Variants in NRXN3 observed in about 807,000 individuals in gnomAD.
The protein encoded by NRXN3 is neurexin III.
NRXN3 carries 32 observed loss-of-function variants against 137.6 expected under a neutral mutation model. That is an observed-to-expected ratio of 0.23 (90% confidence interval 0.18 to 0.31). The LOEUF is 0.31. NRXN3 is among the 10% of genes least tolerant of loss of function. The pLI is 1.00. For synonymous variants in NRXN3, 798 were observed against 784.5 expected (o/e 1.02, Z -0.29); for missense variants, 1,574 against 2,062.5 (o/e 0.76, Z 4.59).
intron 8 of NRXN3, among the ~76,000 whole-genome samples, chr14:78,735,055 C>T (rs949049656): frequency 6.6e-6 from 1 of 152,046 alleles, no homozygotes; most frequent in African/African-American, 2.4e-5. Flanking sequence ...TACTAGTTCT[C>T]CAGGAAAGAG....
intron 15 of NRXN3, among the ~76,000 whole-genome samples, chr14:79,441,363 AATC>A (rs2095942575): frequency 7.5e-6 from 1 of 133,240 alleles, no homozygotes; most frequent in African/African-American, 2.8e-5. Context: ...ACAAACAGAA[AATC>A]TTTTTTTTTT....
rs780709527 is a variant in NRXN3, at chr14:79,565,325, GTA to G, written c.3444+97934_3444+97935del. Among the ~76,000 whole-genome samples the G allele has an allele frequency of 7.0e-3, 983 of 139,516 alleles. 9 individuals carry two copies. The highest frequency in any genetic ancestry group is 0.021 in the African/African-American group (756 of 36,646). 91.5% of individuals were successfully genotyped at this position (139,516 alleles called of 152,430 possible). On this transcript the variant is annotated intron_variant, in intron 16 of 20. Coordinates refer to ENST00000335750, the MANE Select transcript of NRXN3 (RefSeq NM_001330195.2). Reference sequence around the variant, plus strand: ...TATACATATACACACACATGTGTGTGTATATATATATACATATGTGTGCGTAT... The same window carrying G: ...TATACATATACACACACATGTGTGTGTATATATATACATATGTGTGCGTAT...
intron 10 of NRXN3, among the ~76,000 whole-genome samples, chr14:78,938,997 C>T (rs1392310545): frequency 1.3e-5 from 2 of 151,734 alleles, no homozygotes; most frequent in African/African-American, 2.4e-5. Context: ...AGGCGCCCGC[C>T]ACCTCGCCCG....
At chr14:79,143,901 C>T (rs188853475) in intron 15 of NRXN3, among the ~76,000 whole-genome samples, 87 of 152,154 alleles carry the variant, frequency 5.7e-4, no homozygotes, top group African/African-American at 1.8e-3. Flanking sequence ...TTTTTTAAAA[C>T]TTTTCTATAA....
At position 79,866,743 on chromosome 14, in the gene NRXN3, C is replaced by T. The variant is rs1159880631; in HGVS notation, c.*4779C>T. The T allele has an allele frequency of 6.6e-6, 1 of 152,080 alleles. No homozygotes were observed. The highest frequency in any genetic ancestry group is 1.5e-5 in the Non-Finnish European group (1 of 68,042). 9.4% of individuals were successfully genotyped at this position (152,080 alleles called of 1,614,324 possible). On this transcript the variant is annotated 3_prime_UTR_variant, in exon 21 of 21. Coordinates refer to ENST00000335750, the MANE Select transcript of NRXN3 (RefSeq NM_001330195.2). ...CTACTCTTATGGAGCAACCGAGTTT[C>T]CTGATAGAGATGTTTATCTGGGGGA...
chr14:78,618,303 C>G (rs2097366510), intron 4 of NRXN3, among the ~76,000 whole-genome samples: 1 of 150,814 alleles, frequency 6.6e-6, no homozygotes, highest in Non-Finnish European at 1.5e-5. Flanking sequence ...AACTCAGCAG[C>G]TAAACAGATG....
chr14:78,414,517 C>T (rs142570325), intron 4 of NRXN3, among the ~76,000 whole-genome samples: 340 of 152,266 alleles, frequency 2.2e-3, no homozygotes, highest in African/African-American at 7.7e-3. Context: ...ATGAAATAGG[C>T]GGCTTCAACC....
chr14:79,855,375 T>C (rs1237959398), intron 20 of NRXN3, among the ~76,000 whole-genome samples: 2 of 152,164 alleles, frequency 1.3e-5, no homozygotes, highest in Non-Finnish European at 2.9e-5. Flanking sequence ...GATAAGAGTG[T>C]TTCCAAGCCA....
chr14:78,949,378 T>C (rs2099381872), intron 10 of NRXN3, among the ~76,000 whole-genome samples: 1 of 152,210 alleles, frequency 6.6e-6, no homozygotes, highest in Admixed American at 6.5e-5. Context: ...GTCCTATTGC[T>C]AAAATACAGT....
chr14:79,039,853 G>A (rs923203049), intron 15 of NRXN3, among the ~76,000 whole-genome samples: 4 of 151,946 alleles, frequency 2.6e-5, no homozygotes, highest in African/African-American at 9.7e-5. Flanking sequence ...CACCATATCT[G>A]GCTAAATATA....
At chr14:79,597,404 T>G (rs1048031726) in intron 16 of NRXN3, among the ~76,000 whole-genome samples, 1 of 152,170 alleles carries the variant, frequency 6.6e-6, no homozygotes, top group Non-Finnish European at 1.5e-5. Context: ...GAAAATGTAA[T>G]GCCAGGGACA....
At chr14:78,219,781 T>C (rs1271286684) in intron 1 of NRXN3, among the ~76,000 whole-genome samples, 1 of 152,198 alleles carries the variant, frequency 6.6e-6, no homozygotes, top group Non-Finnish European at 1.5e-5. Flanking sequence ...ATGTGAGTTT[T>C]AGAAAGTTAA....
intron 15 of NRXN3, among the ~76,000 whole-genome samples, chr14:79,021,697 C>G (rs1314377440): frequency 6.6e-6 from 1 of 152,106 alleles, no homozygotes; most frequent in Non-Finnish European, 1.5e-5. Flanking sequence ...TTCTGAAATG[C>G]AAGGTTATGT....
intron 16 of NRXN3, among the ~76,000 whole-genome samples, chr14:79,525,373 C>T (rs766461272): frequency 1.3e-5 from 2 of 152,124 alleles, no homozygotes; most frequent in African/African-American, 2.4e-5. Flanking sequence ...CTTCTAATTC[C>T]CCACCTGCAT....
intron 15 of NRXN3, among the ~76,000 whole-genome samples, chr14:79,416,500 T>C (rs1599956448): frequency 6.6e-6 from 1 of 152,246 alleles, no homozygotes; most frequent in East Asian, 1.9e-4. Flanking sequence ...ATGAAGAACA[T>C]TAACGTGGCA....
chr14:79,204,253 T>C (rs989222714), intron 15 of NRXN3, among the ~76,000 whole-genome samples: 2 of 151,718 alleles, frequency 1.3e-5, no homozygotes, highest in Non-Finnish European at 2.9e-5. Flanking sequence ...GTGAAGCTTC[T>C]TCTGCTTGCT....
In NRXN3 at chr14:79,007,960, G is replaced by A. The variant is rs943206907; in HGVS notation, c.3262+19819G>A. On this transcript the variant is annotated intron_variant, in intron 15 of 20. Transcript: ENST00000335750. ...AATCCTATGATTTTCTGGTTCTGTGGCTTAGAAGGTTTAAGCTCTGTCAAG... is the reference window on the plus strand; with the variant it reads ...AATCCTATGATTTTCTGGTTCTGTGACTTAGAAGGTTTAAGCTCTGTCAAG... Among the ~76,000 whole-genome samples, 7 of 152,124 alleles carry A rather than the reference G, an allele frequency of 4.6e-5. No individual in the cohort carries two copies. The East Asian group carries it at 1.4e-3, about 29-fold the overall frequency.
intron 10 of NRXN3, among the ~76,000 whole-genome samples, chr14:78,866,614 A>G (rs559249977): frequency 6.6e-6 from 1 of 152,262 alleles, no homozygotes; most frequent in East Asian, 1.9e-4. Context: ...AAAATTCTTC[A>G]TAATGAAATA....
chr14:78,587,759 G>T (rs2097079757), intron 4 of NRXN3, among the ~76,000 whole-genome samples: 2 of 152,070 alleles, frequency 1.3e-5, no homozygotes, highest in South Asian at 2.1e-4. Flanking sequence ...TTTTCTTAAA[G>T]ACTCAGGGCA....
Sources: allele counts gnomAD v4.1 joint callset (sites outside exome capture counted in the v4.1 genomes callset), GRCh38; gene constraint gnomAD v4.1.1; transcripts MANE v1.5; gene names NCBI Gene and HGNC (gene_info 2026-07-23, HGNC 2026-07-21).